MAP3K21: variants seen among roughly 807,000 people sequenced by gnomAD.
MAP3K21 encodes the protein mitogen-activated protein kinase kinase kinase MLK4.
MAP3K21 carries 63 observed loss-of-function variants against 86.1 expected under a neutral mutation model. The observed-to-expected ratio is 0.73, with a 90% confidence interval of 0.60 to 0.90. The LOEUF (loss-of-function observed/expected upper bound fraction) is 0.90. Among genes scored for constraint, MAP3K21 ranks in the 40% least tolerant of loss-of-function variants. MAP3K21 has a pLI of 0.00. For synonymous variants in MAP3K21, 558 were observed against 564.8 expected, an observed-to-expected ratio of 0.99 and a Z score of 0.17; for missense variants, 1,220 against 1,367.7, an observed-to-expected ratio of 0.89 and a Z score of 1.70.
chr1:233,379,511 TC>T lies in MAP3K21; in HGVS notation c.2507del (p.Pro836ArgfsTer115). The T allele has an allele frequency of 2.5e-6, 4 of 1,614,202 alleles. No individual in the cohort carries two copies. The South Asian group carries it at 4.4e-5, about 18-fold the overall frequency. ...PVTCDSEMLT[P>X]DFCPTAPGSG... ...TCACTTGTGACTCTGAGATGCTCAC[TC>T]CGGATTTTTGTCCCACTGCCCCAGG... is the stretch of plus-strand genomic sequence containing the variant. On this transcript the variant is annotated frameshift_variant, in exon 9 of 10. Coordinates refer to ENST00000366624, the MANE Select transcript of MAP3K21 (RefSeq NM_032435.3). LOFTEE classifies it high-confidence loss of function.
intron 1 of MAP3K21, among the ~76,000 whole-genome samples, chr1:233,345,353 A>C (rs111278596): frequency 0.014 from 2,118 of 152,254 alleles, 54 homozygotes; most frequent in African/African-American, 0.048. Context: ...CAATGATAGA[A>C]TGGATTAAGA....
At position 233,379,326 on chromosome 1, in the gene MAP3K21, G is replaced by A. The variant is rs770338601; in HGVS notation, c.2320G>A (p.Ala774Thr). 8 of 1,614,176 alleles carry A rather than the reference G, an allele frequency of 5.0e-6. No individual in the cohort carries two copies. Among genetic ancestry groups the A allele is most frequent in the South Asian group, 1.1e-5 (1 of 91,092 alleles). ...FQRASKSRRS[A>T]SPPTSLPSTC... is the part of the protein sequence containing the mutation. Reference sequence around the variant, plus strand: ...GCGGGCTTCCAAGTCCCGCAGAAGCGCCAGTCCTCCCACAAGCCTGCCATC... The same window carrying A: ...GCGGGCTTCCAAGTCCCGCAGAAGCACCAGTCCTCCCACAAGCCTGCCATC... Residue 774 changes from alanine to threonine, a missense_variant, in exon 9 of 10, where the codon GCC becomes ACC. Ala to Thr is a moderately conservative substitution (Grantham distance 58). This residue lies in a region of MAP3K21 where 632 missense variants were observed against 691.3 expected (regional missense o/e 0.91). Coordinates refer to ENST00000366624, the MANE Select transcript of MAP3K21 (RefSeq NM_032435.3).
chr1:233,377,216 T>C (rs1663815305), intron 8 of MAP3K21, among the ~76,000 whole-genome samples: 1 of 152,242 alleles, frequency 6.6e-6, no homozygotes, highest in East Asian at 1.9e-4. Context: ...TATATTTGTA[T>C]TCAGTATTCA....
At chr1:233,333,024 G>A (rs1181282444) in intron 1 of MAP3K21, among the ~76,000 whole-genome samples, 2 of 151,822 alleles carry the variant, frequency 1.3e-5, no homozygotes, top group Non-Finnish European at 2.9e-5. Context: ...TATTTATTAT[G>A]AAATGCCATT....
In MAP3K21 at chr1:233,384,406, T is replaced by C. The variant is rs1663968479; in HGVS notation, c.*1695T>C. The C allele has an allele frequency of 6.6e-6, 1 of 152,196 alleles. No homozygotes were observed. The highest frequency in any genetic ancestry group is 2.4e-5 in the African/African-American group (1 of 41,446). 9.4% of individuals were successfully genotyped at this position (152,196 alleles called of 1,614,324 possible). ...TTGCAGCAAAGTCTCAGATACTTAA[T>C]ACGTTTTCTTGTTTTATCATCTGTT... is the stretch of plus-strand genomic sequence containing the variant. On this transcript the variant is annotated 3_prime_UTR_variant, in exon 10 of 10. Coordinates refer to ENST00000366624, the MANE Select transcript of MAP3K21 (RefSeq NM_032435.3).
rs779012365 is a variant in MAP3K21, at chr1:233,353,958, A to ATT, written c.1135+4_1135+5dup. ...GCCGTTTGCCAAGCTCATGAAAGGT[A>ATT]TTGTGTGTGTGTGTGTGTGTCTTTG... On this transcript the variant is annotated splice_donor_region_variant and intron_variant, in intron 3 of 9. Coordinates refer to ENST00000366624, the MANE Select transcript of MAP3K21 (RefSeq NM_032435.3). 198 of 1,565,624 alleles carry ATT rather than the reference A, an allele frequency of 1.3e-4. No individual in the cohort carries two copies. The Middle Eastern group carries it at 3.6e-3, about 28-fold the overall frequency.
intron 8 of MAP3K21, among the ~76,000 whole-genome samples, chr1:233,378,345 G>T (rs1663838663): frequency 6.6e-6 from 1 of 152,192 alleles, no homozygotes; most frequent in African/African-American, 2.4e-5. Flanking sequence ...TTCAGTAAAG[G>T]CTAGCTGAAA....
chr1:233,348,696 G>A (rs1285121642), intron 2 of MAP3K21, among the ~76,000 whole-genome samples: 2 of 152,054 alleles, frequency 1.3e-5, no homozygotes, highest in Non-Finnish European at 2.9e-5. Flanking sequence ...CCTTGTAGGT[G>A]TAAAGTGGTA....
chr1:233,372,260 A>C, intron 6 of MAP3K21, 100 bp downstream of exon 6: 1 of 1,417,866 alleles, frequency 7.1e-7, no homozygotes, highest in South Asian at 1.3e-5. Context: ...AGCAGGTTGT[A>C]GATGAGTGTA....
chr1:233,381,550 ACTT>A (rs1386495037), intron 9 of MAP3K21, among the ~76,000 whole-genome samples: 2 of 151,942 alleles, frequency 1.3e-5, no homozygotes, highest in East Asian at 1.9e-4. Context: ...CTTTTCCTTT[ACTT>A]CTTTTTAAAT....
chr1:233,366,571 G>A (rs189348547), intron 5 of MAP3K21, among the ~76,000 whole-genome samples: 3 of 152,328 alleles, frequency 2.0e-5, no homozygotes, highest in African/African-American at 7.2e-5. Flanking sequence ...AGATGGAACA[G>A]CGATGCTGTC....
At chr1:233,354,422 T>G (rs1273637459) in intron 3 of MAP3K21, among the ~76,000 whole-genome samples, 1 of 152,218 alleles carries the variant, frequency 6.6e-6, no homozygotes, top group African/African-American at 2.4e-5. Flanking sequence ...GTTAGGCTAT[T>G]TTTGATTTTT....
chr1:233,350,188 G>A (rs1663223444), intron 2 of MAP3K21, among the ~76,000 whole-genome samples: 1 of 152,126 alleles, frequency 6.6e-6, no homozygotes, highest in African/African-American at 2.4e-5. Flanking sequence ...CAATGTGAAT[G>A]TGGTGTAAAT....
At chr1:233,331,117 A>G (rs1398129165) in intron 1 of MAP3K21, among the ~76,000 whole-genome samples, 2 of 152,242 alleles carry the variant, frequency 1.3e-5, no homozygotes, top group African/African-American at 4.8e-5. Flanking sequence ...TGTATTCAGT[A>G]GATATTACAT....
chr1:233,331,194 C>T (rs1018918867), intron 1 of MAP3K21, among the ~76,000 whole-genome samples: 2 of 152,156 alleles, frequency 1.3e-5, no homozygotes, highest in African/African-American at 4.8e-5. Flanking sequence ...AATAAATTGC[C>T]AAACTTCCCG....
intron 1 of MAP3K21, among the ~76,000 whole-genome samples, chr1:233,343,068 C>A (rs891902233): frequency 6.6e-6 from 1 of 152,128 alleles, no homozygotes; most frequent in African/African-American, 2.4e-5. Context: ...TCAAATAACC[C>A]TCCACATTTA....
intron 1 of MAP3K21, among the ~76,000 whole-genome samples, chr1:233,345,133 G>T (rs1663108351): frequency 6.6e-6 from 1 of 152,176 alleles, no homozygotes; most frequent in Non-Finnish European, 1.5e-5. Context: ...CACTGTTGGT[G>T]GGAGTGTAAA....
intron 1 of MAP3K21, among the ~76,000 whole-genome samples, chr1:233,339,793 C>T (rs541462147): frequency 6.6e-6 from 1 of 152,242 alleles, no homozygotes; most frequent in South Asian, 2.1e-4. Flanking sequence ...CAAGAGTCTT[C>T]ATTTCTTAAT....
intron 1 of MAP3K21, among the ~76,000 whole-genome samples, chr1:233,341,478 G>C (rs1442343180): frequency 6.6e-6 from 1 of 152,146 alleles, no homozygotes; most frequent in African/African-American, 2.4e-5. Flanking sequence ...AGTGTGATTT[G>C]AACTTGTTTT....
Sources: allele counts gnomAD v4.1 joint callset (sites outside exome capture counted in the v4.1 genomes callset), GRCh38; gene constraint gnomAD v4.1.1; regional missense constraint gnomAD v4.1.1; transcripts MANE v1.5; gene names NCBI Gene and HGNC (gene_info 2026-07-23, HGNC 2026-07-21).